DCDC2: variants seen among roughly 807,000 people sequenced by gnomAD.
The protein encoded by DCDC2 is doublecortin domain-containing protein 2.
DCDC2 carries 40 observed loss-of-function variants against 50.2 expected under a neutral mutation model. The ratio of observed to expected loss-of-function variants is 0.80; its 90% CI spans 0.62 to 1.04. The LOEUF is 1.04. Among genes scored for constraint, DCDC2 ranks in the 50% least tolerant of loss-of-function variants. The pLI, the probability that DCDC2 is intolerant of heterozygous loss-of-function variation, is 0.00. For missense variants in DCDC2, 570 were observed against 581.9 expected (o/e 0.98, Z 0.21); for synonymous variants, 234 against 210.6 (o/e 1.11, Z -0.96).
At chr6:24,262,712 A>C (rs1763037529) in intron 7 of DCDC2, among the ~76,000 whole-genome samples, 1 of 152,222 alleles carries the variant, frequency 6.6e-6, no homozygotes, top group Non-Finnish European at 1.5e-5. Context: ...TGATGCACTC[A>C]TCCAGGCCCT....
the DCDC2 span, among the ~76,000 whole-genome samples, chr6:24,381,685 C>G: frequency 6.6e-6 from 1 of 152,020 alleles, no homozygotes; most frequent in African/African-American, 2.4e-5. Flanking sequence ...TGGCTCATGC[C>G]TGTAATTCCA....
rs2113816232 is a variant in DCDC2 at position 24,274,336 on chromosome 6, G to C, written c.922+3713C>G. Among the ~76,000 whole-genome samples, 3 of 152,270 alleles carry C rather than the reference G, an allele frequency of 2.0e-5. No homozygotes were observed. The South Asian group carries it at 6.2e-4, about 32-fold the overall frequency. On this transcript the variant is annotated intron_variant, in intron 7 of 9. Coordinates refer to ENST00000378454, the MANE Select transcript of DCDC2 (RefSeq NM_016356.5). ...AATCATCGTTACTGTTTTGGTCATA[G>C]TGGAGAATATAGCTAGTTGCCAGCC...
intron 7 of DCDC2, among the ~76,000 whole-genome samples, chr6:24,226,007 C>T (rs567113914): frequency 2.0e-5 from 3 of 152,158 alleles, no homozygotes; most frequent in Non-Finnish European, 4.4e-5. Flanking sequence ...CTCTTGCTTG[C>T]GTCCTTATCA....
At chr6:24,350,385 T>TA (rs1201670505) in intron 2 of DCDC2, among the ~76,000 whole-genome samples, 1 of 152,144 alleles carries the variant, frequency 6.6e-6, no homozygotes, top group Non-Finnish European at 1.5e-5. Context: ...CCACAGTGGG[T>TA]AGGACCCAGT....
intron 7 of DCDC2, among the ~76,000 whole-genome samples, chr6:24,233,116 C>T (rs1561900273): frequency 6.6e-6 from 1 of 152,186 alleles, no homozygotes; most frequent in Admixed American, 6.5e-5. Flanking sequence ...GACTTCATCA[C>T]AAAGTTCTAA....
At chr6:24,338,120 A>G (rs1218611742) in intron 2 of DCDC2, among the ~76,000 whole-genome samples, 1 of 152,204 alleles carries the variant, frequency 6.6e-6, no homozygotes, top group Non-Finnish European at 1.5e-5. Flanking sequence ...CTCCCATGTA[A>G]AATCAGAATA....
At chr6:24,218,772 G>A (rs1762036257) in intron 7 of DCDC2, among the ~76,000 whole-genome samples, 1 of 152,186 alleles carries the variant, frequency 6.6e-6, no homozygotes, top group South Asian at 2.1e-4. Flanking sequence ...TAAGGCCTGA[G>A]CTACTGCATC....
intron 8 of DCDC2, among the ~76,000 whole-genome samples, chr6:24,184,964 C>T (rs1761157929): frequency 6.6e-6 from 1 of 152,204 alleles, no homozygotes. Context: ...CCTCGCCTCT[C>T]TGAGAACATA....
At chr6:24,326,153 AAAGAGAGGAAGGAAAGGAAGG>A (rs1759854445) in intron 2 of DCDC2, among the ~76,000 whole-genome samples, 1 of 134,860 alleles carries the variant, frequency 7.4e-6, no homozygotes, top group Non-Finnish European at 1.6e-5. Context: ...GAGAGGAAGG[AAAGAGAGGAAGGAAAGGAAGG>A]AAGGAAGGAA....
chr6:24,258,110 G>A (rs1214517777), intron 7 of DCDC2, among the ~76,000 whole-genome samples: 3 of 152,142 alleles, frequency 2.0e-5, no homozygotes, highest in African/African-American at 7.2e-5. Flanking sequence ...TGGTCTCGCT[G>A]ACTTCAAAAA....
chr6:24,200,368 A>G (rs878907294), intron 8 of DCDC2, among the ~76,000 whole-genome samples: 2 of 152,220 alleles, frequency 1.3e-5, no homozygotes, highest in Non-Finnish European at 2.9e-5. Flanking sequence ...ATTCTTAAAG[A>G]AAAGAATTTT....
chr6:24,314,291 A>G (rs1581647480), intron 2 of DCDC2, among the ~76,000 whole-genome samples: 1 of 152,224 alleles, frequency 6.6e-6, no homozygotes, highest in East Asian at 1.9e-4. Flanking sequence ...TGGGCAACAT[A>G]GTGAGACCTT....
intron 7 of DCDC2, among the ~76,000 whole-genome samples, chr6:24,253,082 G>GA (rs1352224871): frequency 6.6e-6 from 1 of 151,730 alleles, no homozygotes; most frequent in Non-Finnish European, 1.5e-5. Flanking sequence ...ATAATATTAG[G>GA]AAAAAAACAA....
At chr6:24,374,055 G>C in the DCDC2 span, among the ~76,000 whole-genome samples, 2 of 151,772 alleles carry the variant, frequency 1.3e-5, no homozygotes, top group Admixed American at 1.3e-4. Flanking sequence ...CCAGCTACTC[G>C]GGAGGCTGAG....
At chr6:24,179,580 T>TAAATACTA (rs1342607612) in intron 8 of DCDC2, among the ~76,000 whole-genome samples, 3 of 116,166 alleles carry the variant, frequency 2.6e-5, no homozygotes, top group Non-Finnish European at 3.6e-5. Flanking sequence ...AAAAAAAGAA[T>TAAATACTA]AAATACTAAA....
At chr6:24,323,040 G>C (rs1759799806) in intron 2 of DCDC2, among the ~76,000 whole-genome samples, 1 of 152,152 alleles carries the variant, frequency 6.6e-6, no homozygotes, top group Non-Finnish European at 1.5e-5. Context: ...TAAATTAAAG[G>C]ACCATCTACA....
At chr6:24,255,042 A>G (rs1449218337) in intron 7 of DCDC2, among the ~76,000 whole-genome samples, 1 of 152,166 alleles carries the variant, frequency 6.6e-6, no homozygotes, top group Non-Finnish European at 1.5e-5. Context: ...ATGCTGAAGG[A>G]TTTATACCAC....
rs896253909 is a variant in DCDC2 at position 24,288,768 on chromosome 6, G to A, written c.759+84C>T. 1.0e-5 allele frequency: 13 copies of A among 1,285,182 alleles called. No individual in the cohort carries two copies. The African/African-American group carries it at 1.3e-4, about 13-fold the overall frequency. The allele number at this position is 1,285,182 out of a possible 1,614,324, so 79.6% of individuals were successfully genotyped here. The stretch of plus-strand genomic sequence containing the variant: ...ACGAAGCGGCTAAGTTTTATCTCTT[G>A]GAACTTAATTGAAGCCCAAAGGACA... On this transcript the variant is annotated intron_variant, in intron 6 of 9. Transcript: ENST00000378454.
At chr6:24,261,652 T>G (rs1367690700) in intron 7 of DCDC2, among the ~76,000 whole-genome samples, 1 of 152,074 alleles carries the variant, frequency 6.6e-6, no homozygotes, top group African/African-American at 2.4e-5. Context: ...TTCAATAATA[T>G]CCTTCCTTAT....
Sources: allele counts gnomAD v4.1 joint callset (sites outside exome capture counted in the v4.1 genomes callset), GRCh38; gene constraint gnomAD v4.1.1; transcripts MANE v1.5; gene names NCBI Gene and HGNC (gene_info 2026-07-23, HGNC 2026-07-21).